PALD1: variants seen among roughly 807,000 people sequenced by gnomAD.
The protein encoded by PALD1 is paladin.
Under a neutral mutation model 96.0 loss-of-function variants are expected in PALD1, and 57 were observed. The ratio of observed to expected loss-of-function variants is 0.59; its 90% confidence interval spans 0.48 to 0.74. PALD1 has a LOEUF of 0.74. Among genes scored for constraint, PALD1 ranks in the 30% least tolerant of loss-of-function variants. The pLI is 0.00. For synonymous variants in PALD1, 464 were observed against 473.6 expected (o/e 0.98, Z 0.26); for missense variants, 1,063 against 1,143.7 (o/e 0.93, Z 1.02).
intron 1 of PALD1, among the ~76,000 whole-genome samples, chr10:70,521,468 A>G (rs1340571089): frequency 6.6e-6 from 1 of 152,198 alleles, no homozygotes; most frequent in Non-Finnish European, 1.5e-5. Context: ...TAACAGAAGC[A>G]GAGAAGATGG....
At chr10:70,537,390 C>CA (rs1422019224) in intron 10 of PALD1, among the ~76,000 whole-genome samples, 4 of 152,242 alleles carry the variant, frequency 2.6e-5, no homozygotes, top group South Asian at 2.1e-4. Context: ...AGGCGTGAGC[C>CA]ACCGCACCCA....
rs1398496941 is a variant in PALD1 at position 70,568,375 on chromosome 10, G to A, written c.*1642G>A. On this transcript the variant is annotated 3_prime_UTR_variant, in exon 20 of 20. Coordinates refer to ENST00000263563, the MANE Select transcript of PALD1 (RefSeq NM_014431.3). ...AATACTTGCCTACCTACCTCACAGG[G>A]GTGTTGTGAGGATTCATTTGTGATT... 1 of 146,228 alleles carries A rather than the reference G, an allele frequency of 6.8e-6. No homozygotes were observed. Among genetic ancestry groups the A allele is most frequent in the African/African-American group, 2.5e-5 (1 of 39,604 alleles). 9.1% of individuals were successfully genotyped at this position (146,228 alleles called of 1,614,324 possible).
intron 18 of PALD1, among the ~76,000 whole-genome samples, chr10:70,554,299 C>G (rs1317314347): frequency 6.6e-6 from 1 of 152,092 alleles, no homozygotes; most frequent in Non-Finnish European, 1.5e-5. Flanking sequence ...CGTGGTGGCG[C>G]ACACCTGTAA....
chr10:70,507,178 G>T (rs1846408035), intron 1 of PALD1, among the ~76,000 whole-genome samples: 1 of 151,614 alleles, frequency 6.6e-6, no homozygotes, highest in Non-Finnish European at 1.5e-5. Flanking sequence ...GAGGTAGATG[G>T]ATCACCTGAG....
intron 1 of PALD1, among the ~76,000 whole-genome samples, chr10:70,483,568 A>G (rs1041523618): frequency 3.3e-5 from 5 of 149,412 alleles, no homozygotes; most frequent in African/African-American, 1.2e-4. Context: ...GGCCCATGGG[A>G]GGGGAGAGGG....
chr10:70,484,082 A>C (rs1214860081), intron 1 of PALD1, among the ~76,000 whole-genome samples: 1 of 152,100 alleles, frequency 6.6e-6, no homozygotes, highest in Non-Finnish European at 1.5e-5. Context: ...AGCTCACTGC[A>C]ACCTCTGCGT....
At chr10:70,542,853 T>A (rs1847279455) in intron 17 of PALD1, among the ~76,000 whole-genome samples, 1 of 152,212 alleles carries the variant, frequency 6.6e-6, no homozygotes, top group Non-Finnish European at 1.5e-5. Flanking sequence ...CCATGCTGTT[T>A]GCCGCAGTAT....
Position 70,539,286 on chromosome 10 carries a change from G to C in PALD1, c.1725+39G>C. The C allele has an allele frequency of 6.4e-7, 1 of 1,570,752 alleles. No individual in the cohort carries two copies. Among genetic ancestry groups the C allele is most frequent in the Non-Finnish European group, 8.6e-7 (1 of 1,160,158 alleles). On this transcript the variant is annotated intron_variant, in intron 14 of 19. Coordinates refer to ENST00000263563, the MANE Select transcript of PALD1 (RefSeq NM_014431.3). This position sits in a 1 kb window ranked among gnomAD's most constrained non-coding sequence, Gnocchi z 4.5. ...CCCTCTAGGCACCCCTGCCTCCGAG[G>C]CTTCTGGGGAGTGGCCTGGGAGGGT... is the stretch of plus-strand genomic sequence containing the variant.
At chr10:70,550,360 A>G (rs1329231318) in intron 18 of PALD1, among the ~76,000 whole-genome samples, 1 of 152,132 alleles carries the variant, frequency 6.6e-6, no homozygotes, top group Non-Finnish European at 1.5e-5. Flanking sequence ...GACTTGTTAA[A>G]ATGCAGGCTG....
intron 1 of PALD1, among the ~76,000 whole-genome samples, chr10:70,513,159 C>T (rs1478276457): frequency 6.6e-6 from 1 of 152,082 alleles, no homozygotes; most frequent in Non-Finnish European, 1.5e-5. Context: ...AATTTTTTAA[C>T]CCCCATTTTT....
In PALD1 at chr10:70,563,905, G is replaced by A. The variant is rs1290009686; in HGVS notation, c.2263-459G>A. On this transcript the variant is annotated intron_variant, in intron 18 of 19. Transcript: ENST00000263563. The stretch of plus-strand genomic sequence containing the variant: ...AGCCCTCATACCCTCGCCGAGGGAG[G>A]CCTGAGGGGCAGCAGAGAGAGGAGT... Among the ~76,000 whole-genome samples the A allele has an allele frequency of 1.1e-4, 17 of 152,364 alleles. No individual in the cohort carries two copies. The East Asian group carries it at 3.1e-3, about 28-fold the overall frequency.
intron 5 of PALD1, among the ~76,000 whole-genome samples, chr10:70,531,904 A>G (rs1229397877): frequency 6.6e-6 from 1 of 151,316 alleles, no homozygotes; most frequent in Non-Finnish European, 1.5e-5. Flanking sequence ...AATTGCTTGA[A>G]CCTGGGAGGC....
chr10:70,487,116 T>C (rs1352874181), intron 1 of PALD1, among the ~76,000 whole-genome samples: 1 of 145,474 alleles, frequency 6.9e-6, no homozygotes, highest in South Asian at 2.2e-4. Context: ...CATTTGACTG[T>C]CCCTCTGAGC....
chr10:70,498,446 T>C (rs768795388), intron 1 of PALD1, among the ~76,000 whole-genome samples: 10 of 152,038 alleles, frequency 6.6e-5, no homozygotes, highest in Non-Finnish European at 1.3e-4. Flanking sequence ...ACCTGGCTAA[T>C]CTTTAAAATT....
At chr10:70,547,676 A>T (rs1181647734) in intron 18 of PALD1, among the ~76,000 whole-genome samples, 5 of 152,156 alleles carry the variant, frequency 3.3e-5, no homozygotes, top group Non-Finnish European at 5.9e-5. Flanking sequence ...GGGGAGATGC[A>T]TGCAGGGGCC....
At chr10:70,561,064 G>A (rs900916124) in intron 18 of PALD1, among the ~76,000 whole-genome samples, 1 of 152,212 alleles carries the variant, frequency 6.6e-6, no homozygotes, top group Non-Finnish European at 1.5e-5. Context: ...GGCGTCACCT[G>A]TACACAGTGG....
chr10:70,530,802 G>GC (rs1436652678), intron 4 of PALD1, among the ~76,000 whole-genome samples: 1 of 152,164 alleles, frequency 6.6e-6, no homozygotes, highest in Non-Finnish European at 1.5e-5. Context: ...GGGACCATCT[G>GC]CCCACACATT....
intron 1 of PALD1, chr10:70,485,403 CTTTT>C: frequency 7.0e-6 from 1 of 142,404 alleles, no homozygotes; most frequent in Non-Finnish European, 1.5e-5. Flanking sequence ...GAGCAAACTT[CTTTT>C]TTTTTTTTTT....
At chr10:70,545,215 T>A (rs1428851323) in intron 17 of PALD1, among the ~76,000 whole-genome samples, 1 of 152,028 alleles carries the variant, frequency 6.6e-6, no homozygotes, top group African/African-American at 2.4e-5. Flanking sequence ...TGGGTGATGC[T>A]GGAGAGGTAG....
Sources: gnomAD v4.1 joint callset for allele counts (sites outside exome capture counted in the v4.1 genomes callset) on GRCh38, gnomAD v4.1.1 for gene constraint, Gnocchi (gnomAD v3.1) non-coding constraint, MANE v1.5 for transcripts, NCBI Gene and HGNC (gene_info 2026-07-23, HGNC 2026-07-21) for gene names.